The following SIPA1L1 variants were observed in gnomAD, a reference collection of about 807,000 sequenced individuals.
SIPA1L1 encodes the protein signal-induced proliferation-associated 1-like protein 1.
A neutral mutation model predicts 162.7 loss-of-function variants in SIPA1L1; 26 were observed. That is an observed-to-expected ratio of 0.16 (90% CI 0.12 to 0.22). The LOEUF (loss-of-function observed/expected upper bound fraction) is 0.22. Among genes scored for constraint, SIPA1L1 ranks in the 10% least tolerant of loss-of-function variants. SIPA1L1 has a pLI of 1.00. For synonymous variants in SIPA1L1, 829 were observed against 837.4 expected, an observed-to-expected ratio of 0.99 and a Z score of 0.17; for missense variants, 1,874 against 2,241.0, an observed-to-expected ratio of 0.84 and a Z score of 3.31.
chr14:71,543,948 T>TACGCACATGTGTGTATATATACAC (rs2054774290), intron 4 of SIPA1L1, among the ~76,000 whole-genome samples: 1 of 148,954 alleles, frequency 6.7e-6, no homozygotes, highest in Admixed American at 6.8e-5. Context: ...TATATATACA[T>TACGCACATGTGTGTATATATACAC]ATACGCACAT....
chr14:71,730,397 G>C (rs2084657077), intron 20 of SIPA1L1, 96 bp downstream of exon 20: 1 of 1,402,692 alleles, frequency 7.1e-7, no homozygotes, highest in African/African-American at 1.4e-5. Flanking sequence ...GAGGGGTCCT[G>C]TATCCATGCT....
intron 2 of SIPA1L1, among the ~76,000 whole-genome samples, chr14:71,446,965 G>T (rs547578563): frequency 2.8e-4 from 36 of 128,542 alleles, no homozygotes; most frequent in African/African-American, 1.0e-3. Flanking sequence ...AGGCTGGAGT[G>T]CAGTGGCATG....
At chr14:71,389,183 G>T (rs2040562342) in intron 2 of SIPA1L1, among the ~76,000 whole-genome samples, 1 of 152,208 alleles carries the variant, frequency 6.6e-6, no homozygotes, top group African/African-American at 2.4e-5. Context: ...TGGTTCCTCT[G>T]CAGGAAGTCC....
At chr14:71,673,589 A>ATG (rs142950134) in intron 12 of SIPA1L1, among the ~76,000 whole-genome samples, 34 of 151,598 alleles carry the variant, frequency 2.2e-4, no homozygotes, top group African/African-American at 7.5e-4. Flanking sequence ...GCAAATATAT[A>ATG]TGTGTGTGTG....
intron 7 of SIPA1L1, among the ~76,000 whole-genome samples, chr14:71,648,321 C>T (rs552918370): frequency 6.6e-6 from 1 of 152,226 alleles, no homozygotes; most frequent in African/African-American, 2.4e-5. Flanking sequence ...TATCCAGGAA[C>T]CCTCCTGTCT....
At chr14:71,574,099 G>T (rs1357718463) in intron 4 of SIPA1L1, 3 of 191,100 alleles carry the variant, frequency 1.6e-5, no homozygotes, top group African/African-American at 4.8e-5. Flanking sequence ...CAAAAATCTT[G>T]ATTTTTAACC....
chr14:71,590,029 AAAAAAAAAAAAAAAAATATATATATATAT>A (rs1436574706), intron 5 of SIPA1L1, among the ~76,000 whole-genome samples: 1 of 61,056 alleles, frequency 1.6e-5, no homozygotes, highest in Non-Finnish European at 3.0e-5. Context: ...AGTAAAAAAA[AAAAAAAAAAAAAAAAATATATATATATAT>A]ATATATATAT....
intron 9 of SIPA1L1, among the ~76,000 whole-genome samples, chr14:71,660,345 T>C (rs1272684186): frequency 6.6e-6 from 1 of 152,168 alleles, no homozygotes; most frequent in African/African-American, 2.4e-5. Flanking sequence ...TGGGATGCTT[T>C]CAAATTCCTG....
intron 5 of SIPA1L1, among the ~76,000 whole-genome samples, chr14:71,593,688 T>C (rs902664654): frequency 6.6e-6 from 1 of 152,186 alleles, no homozygotes; most frequent in African/African-American, 2.4e-5. Context: ...ACTTCTTCAA[T>C]TTTGCACCGA....
intron 10 of SIPA1L1, among the ~76,000 whole-genome samples, chr14:71,666,888 A>G (rs1023573262): frequency 3.3e-5 from 5 of 151,766 alleles, no homozygotes; most frequent in Admixed American, 1.3e-4. Flanking sequence ...AAAAAAAAAA[A>G]AAGAATTTGC....
At chr14:71,489,646 G>C (rs774282676) in intron 2 of SIPA1L1, among the ~76,000 whole-genome samples, 1 of 150,424 alleles carries the variant, frequency 6.6e-6, no homozygotes, top group Non-Finnish European at 1.5e-5. Flanking sequence ...GGAAGAATAA[G>C]AATTGTCTCA....
At chr14:71,384,163 G>A (rs1316183395) in intron 2 of SIPA1L1, among the ~76,000 whole-genome samples, 4 of 152,174 alleles carry the variant, frequency 2.6e-5, no homozygotes, top group African/African-American at 9.7e-5. Context: ...CATTATTGCT[G>A]AATAAAGATC....
chr14:71,322,381 T>C (rs978073344), intron 2 of SIPA1L1, among the ~76,000 whole-genome samples: 7 of 152,356 alleles, frequency 4.6e-5, no homozygotes, highest in Admixed American at 3.9e-4. Context: ...AGTAATAATA[T>C]TAGTTTTCTA....
chr14:71,329,984 A>G (rs1026999841), intron 2 of SIPA1L1, among the ~76,000 whole-genome samples: 19 of 152,210 alleles, frequency 1.2e-4, no homozygotes, highest in African/African-American at 4.1e-4. Context: ...TGGCCAGGCC[A>G]GTCAGATAGA....
In SIPA1L1 at chr14:71,739,048, G is replaced by A. The variant is rs2085583709; in HGVS notation, c.5239G>A (p.Glu1747Lys). 1 of 1,614,010 alleles carries A rather than the reference G, an allele frequency of 6.2e-7. No homozygotes were observed. Among genetic ancestry groups the A allele is most frequent in the Non-Finnish European group, 8.5e-7 (1 of 1,179,910 alleles). ...EKEDKAHLQAEVQHLREDNLR... is the reference protein window; with the variant it reads ...EKEDKAHLQAKVQHLREDNLR... ...AGAAGACAAAGCTCACCTTCAGGCG[G>A]AGGTGCAGCACCTGCGAGAGGACAA... The change falls in exon 24 of 24, where the codon GAG (glutamate) becomes AAG (lysine). Residue 1747 changes from glutamate (E) to lysine (K), a missense_variant. By Grantham distance (56) the Glu-to-Lys change is moderately conservative. Coordinates refer to ENST00000381232, the MANE Select transcript of SIPA1L1 (RefSeq NM_001386936.1).
At chr14:71,635,239 A>G (rs961199037) in intron 7 of SIPA1L1, among the ~76,000 whole-genome samples, 2 of 152,182 alleles carry the variant, frequency 1.3e-5, no homozygotes, top group African/African-American at 2.4e-5. Context: ...AGATCACGCC[A>G]TTGCACTCCA....
intron 3 of SIPA1L1, among the ~76,000 whole-genome samples, chr14:71,519,902 A>T (rs2052135582): frequency 6.6e-6 from 1 of 152,150 alleles, no homozygotes; most frequent in South Asian, 2.1e-4. Flanking sequence ...ATAGTAATGG[A>T]TTATAACCCA....
chr14:71,612,948 G>A (rs2038395547), intron 5 of SIPA1L1, among the ~76,000 whole-genome samples: 1 of 152,060 alleles, frequency 6.6e-6, no homozygotes. Flanking sequence ...TACCATCCTG[G>A]TTAAAACTCA....
intron 2 of SIPA1L1, among the ~76,000 whole-genome samples, chr14:71,455,893 A>G (rs556737819): frequency 8.5e-5 from 13 of 152,208 alleles, no homozygotes; most frequent in African/African-American, 2.9e-4. Context: ...TCTTACTTAT[A>G]TATTACTTGT....
Sources: allele counts gnomAD v4.1 joint callset (sites outside exome capture counted in the v4.1 genomes callset), GRCh38; gene constraint gnomAD v4.1.1; transcripts MANE v1.5; gene names NCBI Gene and HGNC (gene_info 2026-07-23, HGNC 2026-07-21).